The following ABCA13 variants were observed in gnomAD, a reference collection of about 807,000 sequenced individuals.
ABCA13 encodes the protein ATP binding cassette subfamily A member 13, also known as ATP-binding cassette sub-family A member 13.
Under a neutral mutation model 478.7 loss-of-function variants are expected in ABCA13, and 476 were observed. That is an observed-to-expected ratio of 0.99 (90% CI 0.92 to 1.07). The LOEUF (loss-of-function observed/expected upper bound fraction) is 1.07, where lower values mean the gene tolerates loss of function less well. Among genes scored for constraint, ABCA13 ranks in the 50% least tolerant of loss-of-function variants. ABCA13 has a pLI of 0.00. For synonymous variants in ABCA13, 2,252 were observed against 2,158.9 expected (o/e 1.04, Z -1.20); for missense variants, 6,060 against 5,910.6 (o/e 1.03, Z -0.83).
chr7:48,282,990 T>C (rs1212566725), intron 19 of ABCA13, among the ~76,000 whole-genome samples: 1 of 152,224 alleles, frequency 6.6e-6, no homozygotes, highest in Admixed American at 6.5e-5. Context: ...TTCACTGGAA[T>C]TACCAAATGT....
chr7:48,632,711 A>G (rs1794266621), intron 59 of ABCA13, among the ~76,000 whole-genome samples: 2 of 152,178 alleles, frequency 1.3e-5, no homozygotes, highest in Admixed American at 1.3e-4. Flanking sequence ...CCTGGGCTTT[A>G]TGGTCAACTG....
At chr7:48,630,463 C>T (rs1445630098) in intron 59 of ABCA13, among the ~76,000 whole-genome samples, 1 of 152,158 alleles carries the variant, frequency 6.6e-6, no homozygotes, top group Non-Finnish European at 1.5e-5. Flanking sequence ...GGCCCCAGCT[C>T]CATCCATGTT....
At chr7:48,219,184 A>G (rs1291403004) in intron 3 of ABCA13, among the ~76,000 whole-genome samples, 170 bp from the exon 4 acceptor site, 2 of 152,228 alleles carry the variant, frequency 1.3e-5, no homozygotes, top group Non-Finnish European at 2.9e-5. Flanking sequence ...TTAAATAATG[A>G]TTTCTCTTTT....
intron 59 of ABCA13, among the ~76,000 whole-genome samples, chr7:48,624,866 T>TTTTC (rs949964552): frequency 2.2e-4 from 33 of 152,278 alleles, no homozygotes; most frequent in Non-Finnish European, 3.5e-4. Context: ...GTTTGTTTGT[T>TTTTC]TTTCTTTCTT....
intron 32 of ABCA13, among the ~76,000 whole-genome samples, chr7:48,369,951 AATTGC>A (rs1167811284): frequency 1.3e-5 from 2 of 151,744 alleles, no homozygotes; most frequent in African/African-American, 4.8e-5. Flanking sequence ...TTTTGATGGG[AATTGC>A]ATTGAATTGC....
Position 48,442,915 on chromosome 7 carries a change from C to T in ABCA13, c.12566-12122C>T, listed in dbSNP as rs549933106. Among the ~76,000 whole-genome samples the T allele has an allele frequency of 2.8e-4, 43 of 152,302 alleles. 1 individual carries two copies. In the South Asian group the frequency reaches 8.5e-3, roughly 30 times the overall value. On this transcript the variant is annotated intron_variant, in intron 42 of 61. Transcript: ENST00000435803. ...CTGTGCGCTGGTGGTACGGACTGAA[C>T]TGTGTTCCCTGTTTGTTGAAGTCTT...
intron 59 of ABCA13, among the ~76,000 whole-genome samples, chr7:48,635,021 T>C (rs1426518442): frequency 6.6e-6 from 1 of 152,032 alleles, no homozygotes; most frequent in Non-Finnish European, 1.5e-5. Context: ...CTGAGATCAG[T>C]GTTTGAGATT....
At chr7:48,581,638 T>G (rs1003824145) in intron 56 of ABCA13, among the ~76,000 whole-genome samples, 1 of 152,246 alleles carries the variant, frequency 6.6e-6, no homozygotes, top group African/African-American at 2.4e-5. Flanking sequence ...TGTAGGTCGG[T>G]GCTTTCTGTC....
At chr7:48,550,517 C>T (rs1307336558) in intron 55 of ABCA13, among the ~76,000 whole-genome samples, 1 of 151,792 alleles carries the variant, frequency 6.6e-6, no homozygotes, top group Non-Finnish European at 1.5e-5. Flanking sequence ...CCTCAGCCTC[C>T]CAAAGTGCTG....
At chr7:48,399,446 A>G (rs10278745) in intron 38 of ABCA13, among the ~76,000 whole-genome samples, 64,516 of 151,920 alleles carry the variant, frequency 0.42, 13,896 homozygotes, top group Admixed American at 0.49. Context: ...GTCTGTGAGT[A>G]CTTCCATTAG....
intron 41 of ABCA13, among the ~76,000 whole-genome samples, 198 bp from the exon 42 acceptor site, chr7:48,427,568 G>T (rs578042600): frequency 6.6e-6 from 1 of 152,136 alleles, no homozygotes; most frequent in African/African-American, 2.4e-5. Flanking sequence ...ATTCATCTTT[G>T]CATCCTATGG....
chr7:48,425,750 T>G (rs1168393729), intron 41 of ABCA13, among the ~76,000 whole-genome samples: 1 of 149,352 alleles, frequency 6.7e-6, no homozygotes, highest in Non-Finnish European at 1.5e-5. Flanking sequence ...TATTTATTTA[T>G]TTATTTTTTC....
Position 48,199,326 on chromosome 7 carries a change from A to C in ABCA13, c.287+966A>C, listed in dbSNP as rs1469135853. 4.6e-5 allele frequency among the ~76,000 whole-genome samples: 7 copies of C among 152,310 alleles called. No homozygotes were observed. The Middle Eastern group carries it at 0.01, about 222-fold the overall frequency. On this transcript the variant is annotated intron_variant, in intron 3 of 61. Transcript: ENST00000435803. ...TATAAGAAACAAATATTTATTTCTC[A>C]TAGTTTTGGAGGCTGGGAAGTCCAA... is the stretch of plus-strand genomic sequence containing the variant.
chr7:48,235,550 G>A (rs921698912), intron 8 of ABCA13, among the ~76,000 whole-genome samples: 11 of 152,170 alleles, frequency 7.2e-5, no homozygotes, highest in Non-Finnish European at 1.0e-4. Flanking sequence ...GTGCCTTAAG[G>A]CAACTGACAT....
chr7:48,345,746 G>A (rs945113081), intron 29 of ABCA13, among the ~76,000 whole-genome samples: 1 of 152,078 alleles, frequency 6.6e-6, no homozygotes, highest in Admixed American at 6.5e-5. Flanking sequence ...AATAAATTTA[G>A]TGTAGCTTAA....
intron 1 of ABCA13, among the ~76,000 whole-genome samples, chr7:48,190,628 G>A (rs1440642765): frequency 1.3e-5 from 2 of 152,108 alleles, no homozygotes; most frequent in Admixed American, 1.3e-4. Flanking sequence ...ACAACCTCAT[G>A]ATATCACTGG....
In ABCA13 at chr7:48,264,949, A is replaced by G. The variant is rs1184753823; in HGVS notation, c.2006-4031A>G. Among the ~76,000 whole-genome samples the G allele has an allele frequency of 2.0e-5, 3 of 151,704 alleles. No individual in the cohort carries two copies. In the East Asian group the frequency reaches 5.8e-4, roughly 29 times the overall value. On this transcript the variant is annotated intron_variant, in intron 15 of 61. Transcript: ENST00000435803. ...TTAGGTCTATAATTCATTTTGTGTT[A>G]ATTTTTGTATGTGGTGTAGGCATAT...
chr7:48,647,177 A>G lies in ABCA13; in HGVS notation c.*1665A>G, dbSNP rs1056567682. Reference sequence around the variant, plus strand: ...ATATACTTCCTTATGAGATTTCTTTACTAAAGCAAGATTTCATTAAATCTC... The same window carrying G: ...ATATACTTCCTTATGAGATTTCTTTGCTAAAGCAAGATTTCATTAAATCTC... On this transcript the variant is annotated 3_prime_UTR_variant, in exon 62 of 62. Transcript: ENST00000435803. 6.6e-6 allele frequency: 1 copy of G among 152,234 alleles called. No homozygotes were observed. The highest frequency in any genetic ancestry group is 1.5e-5 in the Non-Finnish European group (1 of 68,046). The allele number at this position is 152,234 out of a possible 1,614,324, so 9.4% of individuals were successfully genotyped here.
In ABCA13 at chr7:48,272,134, T is replaced by A; in HGVS notation, c.2468T>A (p.Ile823Lys). ...GAACCAAAAAATCTTTTGAGATTCATAGAATTAATACTTTTTGAAATTAAT... is the reference window on the plus strand; with the variant it reads ...GAACCAAAAAATCTTTTGAGATTCAAAGAATTAATACTTTTTGAAATTAAT... ...RKEPKNLLRFIELILFEINPK... is the reference protein window; with the variant it reads ...RKEPKNLLRFKELILFEINPK... The change falls in exon 17 of 62, where the codon ATA (isoleucine) becomes AAA (lysine). Residue 823 changes from isoleucine (I) to lysine (K), a missense_variant. Ile to Lys is a moderately radical substitution (Grantham distance 102). Coordinates refer to ENST00000435803, the MANE Select transcript of ABCA13 (RefSeq NM_152701.5). The A allele has an allele frequency of 6.2e-7, 1 of 1,613,448 alleles. No individual in the cohort carries two copies. Among genetic ancestry groups the A allele is most frequent in the Non-Finnish European group, 8.5e-7 (1 of 1,179,584 alleles).
Sources: allele counts gnomAD v4.1 joint callset (sites outside exome capture counted in the v4.1 genomes callset), GRCh38; gene constraint gnomAD v4.1.1; transcripts MANE v1.5; gene names NCBI Gene and HGNC (gene_info 2026-07-23, HGNC 2026-07-21).